Variants in NIPAL2 observed in about 807,000 individuals in gnomAD.
The protein encoded by NIPAL2 is NIPA-like protein 2.
Under a neutral mutation model 48.9 loss-of-function variants are expected in NIPAL2, and 43 were observed. The ratio of observed to expected loss-of-function variants is 0.88; its 90% confidence interval spans 0.69 to 1.13. The LOEUF (loss-of-function observed/expected upper bound fraction) is 1.13. NIPAL2 is among the 50% of genes most tolerant of loss of function. The pLI is 0.00. For missense variants in NIPAL2, 446 were observed against 461.4 expected, an observed-to-expected ratio of 0.97 and a Z score of 0.31; for synonymous variants, 167 against 174.6, an observed-to-expected ratio of 0.96 and a Z score of 0.34.
In NIPAL2 at chr8:98,242,488, ATTTT is replaced by A. The variant is rs568464494; in HGVS notation, c.377-6278_377-6275del. 5.4e-4 allele frequency among the ~76,000 whole-genome samples: 64 copies of A among 117,782 alleles called. 2 individuals carry two copies. In the South Asian group the frequency reaches 0.015, roughly 28 times the overall value. The allele number at this position is 117,782 out of a possible 152,430, so 77.3% of individuals were successfully genotyped here. A position where few individuals can be genotyped will look rare whatever the true frequency, so the allele number is the denominator to read the frequency against. On this transcript the variant is annotated intron_variant, in intron 3 of 10. Transcript: ENST00000430223. ...AGGCAAAAGCCACTGCACCTGACAGATTTTTTTTTTTTTTTTTTTAACTGAGCCT... is the reference window on the plus strand; with the variant it reads ...AGGCAAAAGCCACTGCACCTGACAGATTTTTTTTTTTTTTTAACTGAGCCT...
intron 6 of NIPAL2, among the ~76,000 whole-genome samples, chr8:98,207,987 CTTTG>C (rs1421682464): frequency 6.6e-6 from 1 of 151,754 alleles, no homozygotes; most frequent in Non-Finnish European, 1.5e-5. Context: ...GAACGTAAGT[CTTTG>C]TTTATCACTC....
chr8:98,218,692 G>A (rs925036231), intron 5 of NIPAL2, among the ~76,000 whole-genome samples: 1 of 152,190 alleles, frequency 6.6e-6, no homozygotes, highest in Non-Finnish European at 1.5e-5. Context: ...AAGAAGTGCA[G>A]GGTCTTCTGG....
chr8:98,222,372 T>G, intron 5 of NIPAL2, 107 bp downstream of exon 5: 1 of 1,185,258 alleles, frequency 8.4e-7, no homozygotes, highest in Non-Finnish European at 1.2e-6. Context: ...TAGATTTTAA[T>G]AAGATATTAG....
chr8:98,244,597 GT>G, intron 3 of NIPAL2, among the ~76,000 whole-genome samples: 1 of 143,086 alleles, frequency 7.0e-6, no homozygotes, highest in Non-Finnish European at 1.5e-5. Flanking sequence ...AGGGTGGGCT[GT>G]GGTGATGAGA....
At chr8:98,262,531 A>T (rs1308827553) in intron 1 of NIPAL2, among the ~76,000 whole-genome samples, 1 of 151,696 alleles carries the variant, frequency 6.6e-6, no homozygotes, top group Non-Finnish European at 1.5e-5. Flanking sequence ...AGAGACAAAG[A>T]AGGCCATTAC....
intron 5 of NIPAL2, among the ~76,000 whole-genome samples, chr8:98,216,436 C>A (rs577016482): frequency 1.3e-3 from 201 of 152,260 alleles, no homozygotes; most frequent in Admixed American, 2.5e-3. Flanking sequence ...AGAAGTGGAC[C>A]CTTGTGTGGA....
chr8:98,291,914 T>G (rs1356042271), intron 1 of NIPAL2, among the ~76,000 whole-genome samples: 6 of 152,238 alleles, frequency 3.9e-5, no homozygotes. Context: ...ACATTGATTC[T>G]AAGTGGCCAC....
At chr8:98,225,675 G>GT (rs11405017) in intron 4 of NIPAL2, among the ~76,000 whole-genome samples, 131,635 of 151,908 alleles carry the variant, frequency 0.87, 57,456 homozygotes, top group Non-Finnish European at 0.9. Flanking sequence ...CCTCGGGGTA[G>GT]CTTCTTTGGG....
chr8:98,289,573 A>G (rs1335028404), intron 1 of NIPAL2, among the ~76,000 whole-genome samples: 2 of 149,384 alleles, frequency 1.3e-5, no homozygotes, highest in African/African-American at 4.9e-5. Context: ...CTGGTCTTGA[A>G]CTCTTGGGCT....
Position 98,192,881 on chromosome 8 carries a change from G to T in NIPAL2, c.*97C>A. 1 of 754,282 alleles carries T rather than the reference G, an allele frequency of 1.3e-6. No individual in the cohort carries two copies. Among genetic ancestry groups the T allele is most frequent in the Non-Finnish European group, 2.3e-6 (1 of 428,142 alleles). 46.7% of individuals were successfully genotyped at this position (754,282 alleles called of 1,614,324 possible). ...AGGACTGAAATGAATGCTAGCACAT[G>T]TTAGCTTATAAAAGAGCTGCTGACA... On this transcript the variant is annotated 3_prime_UTR_variant, in exon 11 of 11. Coordinates refer to ENST00000430223, the MANE Select transcript of NIPAL2 (RefSeq NM_001321635.2).
At chr8:98,211,086 T>C (rs1811286740) in intron 6 of NIPAL2, among the ~76,000 whole-genome samples, 1 of 152,196 alleles carries the variant, frequency 6.6e-6, no homozygotes, top group South Asian at 2.1e-4. Context: ...TGAATAATCC[T>C]TACAGCTGTA....
intron 3 of NIPAL2, among the ~76,000 whole-genome samples, chr8:98,240,903 C>T (rs1812949603): frequency 6.6e-6 from 1 of 152,226 alleles, no homozygotes; most frequent in Non-Finnish European, 1.5e-5. Flanking sequence ...CTATGGAATA[C>T]AGCACATGTT....
intron 1 of NIPAL2, 78 bp downstream of exon 1, chr8:98,293,925 C>A: frequency 7.8e-7 from 1 of 1,283,978 alleles, no homozygotes; most frequent in Non-Finnish European, 1.0e-6. Flanking sequence ...GGAAAGCGGC[C>A]GAGGCGCAGA....
intron 5 of NIPAL2, among the ~76,000 whole-genome samples, chr8:98,215,777 A>G (rs1811547209): frequency 6.6e-6 from 1 of 152,206 alleles, no homozygotes; most frequent in Non-Finnish European, 1.5e-5. Context: ...TTTCTGTACC[A>G]GATCAGAGGA....
At position 98,254,962 on chromosome 8, in the gene NIPAL2, A is replaced by C. The variant is rs188018233; in HGVS notation, c.136-875T>G. On this transcript the variant is annotated intron_variant, in intron 1 of 10. Transcript: ENST00000430223. ...CCTTGGCCCACCTTGACTTTCTCAG[A>C]TTCTAAGTGGTAAGCCTCCCTTATT... is the stretch of plus-strand genomic sequence containing the variant. Among the ~76,000 whole-genome samples, 21 of 152,332 alleles carry C rather than the reference A, an allele frequency of 1.4e-4. No individual in the cohort carries two copies. The East Asian group carries it at 4.0e-3, about 29-fold the overall frequency.
chr8:98,241,761 G>A (rs1812990322), intron 3 of NIPAL2, among the ~76,000 whole-genome samples: 1 of 152,140 alleles, frequency 6.6e-6, no homozygotes, highest in African/African-American at 2.4e-5. Context: ...GATTATGACA[G>A]GAAAATATAT....
rs183732524 is a variant in NIPAL2, at chr8:98,222,751, G to A, written c.437-151C>T. On this transcript the variant is annotated intron_variant, in intron 4 of 10. Coordinates refer to ENST00000430223, the MANE Select transcript of NIPAL2 (RefSeq NM_001321635.2). ...TTTCATCAAACCATCCTTGGATAGC[G>A]TCCACATTCACCTGAAGGCATTCCC... 6.0e-5 allele frequency: 45 copies of A among 744,034 alleles called. No homozygotes were observed. In the African/African-American group the frequency reaches 6.4e-4, roughly 11 times the overall value. 46.1% of individuals were successfully genotyped at this position (744,034 alleles called of 1,614,324 possible).
At chr8:98,246,622 T>C (rs1250725135) in intron 3 of NIPAL2, among the ~76,000 whole-genome samples, 1 of 152,342 alleles carries the variant, frequency 6.6e-6, no homozygotes, top group East Asian at 1.9e-4. Flanking sequence ...ATGTGTCTCA[T>C]ACCTGGCATA....
chr8:98,289,330 G>C (rs1816369022), intron 1 of NIPAL2, among the ~76,000 whole-genome samples: 3 of 152,114 alleles, frequency 2.0e-5, no homozygotes, highest in Admixed American at 6.5e-5. Flanking sequence ...CATGACTCAA[G>C]CCATAAGGAG....
Sources: gnomAD v4.1 joint callset for allele counts (sites outside exome capture counted in the v4.1 genomes callset) on GRCh38, gnomAD v4.1.1 for gene constraint, MANE v1.5 for transcripts, NCBI Gene and HGNC (gene_info 2026-07-23, HGNC 2026-07-21) for gene names.